CTBP2: variants seen among roughly 807,000 people sequenced by gnomAD.
CTBP2 encodes C-terminal-binding protein 2.
A neutral mutation model predicts 80.3 loss-of-function variants in CTBP2; 30 were observed. The observed-to-expected ratio is 0.37, with a 90% CI of 0.28 to 0.51. The LOEUF (loss-of-function observed/expected upper bound fraction) is 0.51. Among genes scored for constraint, CTBP2 ranks in the 20% least tolerant of loss-of-function variants. The pLI is 0.93. For missense variants in CTBP2, 1,212 were observed against 1,375.3 expected (o/e 0.88, Z 1.88); for synonymous variants, 594 against 587.4 (o/e 1.01, Z -0.16).
intron 2 of CTBP2, among the ~76,000 whole-genome samples, chr10:125,056,290 T>G (rs527647080): frequency 6.6e-6 from 1 of 152,306 alleles, no homozygotes; most frequent in East Asian, 1.9e-4. Flanking sequence ...CTGTGAGTAG[T>G]AACTGACACA....
intron 2 of CTBP2, among the ~76,000 whole-genome samples, chr10:125,054,282 T>C (rs1236859938): frequency 1.3e-5 from 2 of 152,348 alleles, no homozygotes; most frequent in East Asian, 3.9e-4. Context: ...GGTGAGGGGA[T>C]GTCACTTCTG....
chr10:125,119,176 G>T (rs1853886524), intron 1 of CTBP2, among the ~76,000 whole-genome samples: 1 of 152,218 alleles, frequency 6.6e-6, no homozygotes, highest in Non-Finnish European at 1.5e-5. Flanking sequence ...GAGCAGAGGG[G>T]TCTTCAGACA....
At chr10:125,014,717 G>C (rs1365373729) in intron 1 of CTBP2, among the ~76,000 whole-genome samples, 1 of 152,244 alleles carries the variant, frequency 6.6e-6, no homozygotes, top group African/African-American at 2.4e-5. Flanking sequence ...TTGGAAGGAA[G>C]CACTTCCCCT....
At chr10:125,029,236 T>G (rs1479544890), upstream of CTBP2, among the ~76,000 whole-genome samples, 2 of 147,566 alleles carry the variant, frequency 1.4e-5, no homozygotes, top group African/African-American at 2.5e-5. Context: ...TTTTTTTTTT[T>G]GAGACACAGT....
intron 2 of CTBP2, among the ~76,000 whole-genome samples, chr10:125,098,657 GGAGAGAGAGAGA>G (rs565818097): frequency 0.087 from 3,937 of 45,004 alleles, 110 homozygotes; most frequent in Non-Finnish European, 0.12. Context: ...TGGGGGAGGG[GGAGAGAGAGAGA>G]GAGAGAGAGA....
chr10:125,050,069 TCA>T (rs1962343708), intron 2 of CTBP2, among the ~76,000 whole-genome samples: 1 of 49,992 alleles, frequency 2.0e-5, no homozygotes, highest in Admixed American at 2.0e-4. Context: ...GCATCACTCA[TCA>T]TGCAAAGGCT....
intron 1 of CTBP2, among the ~76,000 whole-genome samples, chr10:125,132,155 G>C (rs1856289704): frequency 6.6e-6 from 1 of 152,170 alleles, no homozygotes; most frequent in East Asian, 1.9e-4. Context: ...GAATTTCGTT[G>C]ACCAATTCAA....
intron 4 of CTBP2, chr10:124,997,365 C>G (rs1326734894): frequency 6.4e-6 from 1 of 155,796 alleles, no homozygotes; most frequent in Non-Finnish European, 1.4e-5. Flanking sequence ...CCTCGAGCCC[C>G]CATGGAATCA....
intron 1 of CTBP2, among the ~76,000 whole-genome samples, chr10:125,019,122 C>T (rs780554367): frequency 5.3e-5 from 8 of 152,210 alleles, no homozygotes; most frequent in Non-Finnish European, 8.8e-5. Context: ...TCAGCAGTTC[C>T]TCCCTCCCAC....
chr10:125,122,552 G>A (rs1854511513), intron 1 of CTBP2: 1 of 152,220 alleles, frequency 6.6e-6, no homozygotes, highest in African/African-American at 2.4e-5. Flanking sequence ...GAGAGCATGA[G>A]CGCCAAGAAA....
At chr10:125,158,961 G>A (rs1482364574) in intron 1 of CTBP2, among the ~76,000 whole-genome samples, 2 of 151,840 alleles carry the variant, frequency 1.3e-5, no homozygotes, top group African/African-American at 4.8e-5. Context: ...CTGAGCTCTT[G>A]GGCCCGCGGC....
At chr10:125,007,940 C>T (rs1251077439) in intron 1 of CTBP2, among the ~76,000 whole-genome samples, 1 of 151,538 alleles carries the variant, frequency 6.6e-6, no homozygotes, top group Non-Finnish European at 1.5e-5. Context: ...GAGGCAAAGG[C>T]TGGCTCTGGC....
Position 125,027,789 on chromosome 10 carries a change from A to G in CTBP2, c.-30T>C. 6.7e-7 allele frequency: 1 copy of G among 1,495,060 alleles called. No individual in the cohort carries two copies. 92.6% of individuals were successfully genotyped at this position (1,495,060 alleles called of 1,614,324 possible). ...AAAAAAATGACTGCGGATGAGGCAG[A>G]GGAGAAGCTTTTCTTTATAAATCTT... On this transcript the variant is annotated 5_prime_UTR_variant, in exon 1 of 9. Transcript: ENST00000309035.
At chr10:125,097,224 C>T (rs1047030253) in intron 2 of CTBP2, among the ~76,000 whole-genome samples, 9 of 152,220 alleles carry the variant, frequency 5.9e-5, no homozygotes, top group Non-Finnish European at 1.3e-4. Context: ...TGATCCACAC[C>T]TGACTCAAGC....
intron 2 of CTBP2, among the ~76,000 whole-genome samples, chr10:125,076,470 ACT>A (rs1846290018): frequency 6.6e-6 from 1 of 152,200 alleles, no homozygotes; most frequent in African/African-American, 2.4e-5. Context: ...GTCCAGGAAC[ACT>A]GTCACCACTC....
chr10:125,017,986 CTT>C (rs1352231781), intron 1 of CTBP2, among the ~76,000 whole-genome samples: 12 of 152,364 alleles, frequency 7.9e-5, no homozygotes, highest in Admixed American at 1.3e-4. Context: ...AGCCCAGCCA[CTT>C]TGTCCTGTTT....
chr10:125,073,922 A>G (rs1156930454), intron 2 of CTBP2, among the ~76,000 whole-genome samples: 1 of 152,154 alleles, frequency 6.6e-6, no homozygotes, highest in African/African-American at 2.4e-5. Flanking sequence ...TCTTACTCCC[A>G]CGGCCCAGGC....
At chr10:125,067,516 T>C (rs1401130072) in intron 2 of CTBP2, among the ~76,000 whole-genome samples, 1 of 152,160 alleles carries the variant, frequency 6.6e-6, no homozygotes, top group Non-Finnish European at 1.5e-5. Flanking sequence ...CTTCTAGACG[T>C]TTCTGTAAAT....
In CTBP2 at chr10:125,117,167, G is replaced by A. The variant is rs536758684; in HGVS notation, c.-205-6074C>T. On this transcript the variant is annotated intron_variant, in intron 1 of 10. Transcript: ENST00000337195. ...GGCCTTCCCAACCCTCCTCTGCCCC[G>A]ACTCTCTTCAGTTGCAGTGAGGACG... Among the ~76,000 whole-genome samples, 9 of 150,460 alleles carry A rather than the reference G, an allele frequency of 6.0e-5. No individual in the cohort carries two copies. The East Asian group carries it at 1.5e-3, about 26-fold the overall frequency.
Sources: gnomAD v4.1 joint callset for allele counts (sites outside exome capture counted in the v4.1 genomes callset) on GRCh38, gnomAD v4.1.1 for gene constraint, MANE v1.5 for transcripts, NCBI Gene and HGNC (gene_info 2026-07-23, HGNC 2026-07-21) for gene names.